DENND2A: variants seen among roughly 807,000 people sequenced by gnomAD.
DENND2A encodes DENN domain containing 2A.
A neutral mutation model predicts 105.3 loss-of-function variants in DENND2A; 53 were observed. The ratio of observed to expected loss-of-function variants is 0.50; its 90% CI spans 0.40 to 0.63. The LOEUF is 0.63. DENND2A is among the 30% of genes least tolerant of loss of function. The probability of loss-of-function intolerance (pLI) is 0.00; values close to 1 mark genes in which losing one functional copy is unlikely to be tolerated. For missense variants in DENND2A, 1,138 were observed against 1,279.6 expected, an observed-to-expected ratio of 0.89 and a Z score of 1.69; for synonymous variants, 522 against 508.4, an observed-to-expected ratio of 1.03 and a Z score of -0.36.
At chr7:140,562,565 G>A (rs1189488203) in intron 9 of DENND2A, among the ~76,000 whole-genome samples, 1 of 152,164 alleles carries the variant, frequency 6.6e-6, no homozygotes, top group Non-Finnish European at 1.5e-5. Context: ...AGGAGGCTGA[G>A]GCAGAAGAAT....
chr7:140,581,194 G>A (rs1340075990), intron 5 of DENND2A, among the ~76,000 whole-genome samples: 1 of 152,096 alleles, frequency 6.6e-6, no homozygotes, highest in Non-Finnish European at 1.5e-5. Flanking sequence ...AACCCAGGAG[G>A]TGGAGGTTGC....
At chr7:140,617,417 A>G (rs145966269) in intron 1 of DENND2A, among the ~76,000 whole-genome samples, 1 of 152,320 alleles carries the variant, frequency 6.6e-6, no homozygotes, top group African/African-American at 2.4e-5. Context: ...AGTCATTGAC[A>G]ATAATACTTT....
chr7:140,621,541 T>C (rs1248798646), intron 1 of DENND2A, among the ~76,000 whole-genome samples: 4 of 152,156 alleles, frequency 2.6e-5, no homozygotes, highest in South Asian at 2.1e-4. Flanking sequence ...ATGTTTTTTT[T>C]CTGAGTATTT....
intron 11 of DENND2A, 58 bp from the exon 12 acceptor site, chr7:140,555,771 A>C: frequency 6.8e-7 from 1 of 1,478,578 alleles, no homozygotes; most frequent in Non-Finnish European, 9.2e-7. Context: ...GGAAGAAAGG[A>C]ACCCACATGT....
intron 5 of DENND2A, among the ~76,000 whole-genome samples, chr7:140,578,231 T>TG (rs1050175150): frequency 4.6e-5 from 7 of 151,702 alleles, no homozygotes; most frequent in African/African-American, 1.7e-4. Context: ...CTGGGCGGGG[T>TG]GGGGGGTGCA....
chr7:140,523,370 T>C lies in DENND2A; in HGVS notation c.2602A>G (p.Ile868Val). The C allele has an allele frequency of 6.2e-7, 1 of 1,614,188 alleles. No individual in the cohort carries two copies. Among genetic ancestry groups the C allele is most frequent in the Non-Finnish European group, 8.5e-7 (1 of 1,180,028 alleles). Residue 868 changes from isoleucine to valine, a missense_variant, in exon 17 of 20, where the codon ATT becomes GTT. Transcript: ENST00000496613. This position sits in a 1 kb window ranked among gnomAD's most constrained non-coding sequence, Gnocchi z 4.5. ...GCCAGCTCGTTCCTCTGTTCCAGAA[T>C]GTGTTCCAGGGCCACCTGAAGCTTC... is the stretch of plus-strand genomic sequence containing the variant. ...PRKLQVALEHILEQRNELACE... is the reference protein window; with the variant it reads ...PRKLQVALEHVLEQRNELACE...
intron 19 of DENND2A, among the ~76,000 whole-genome samples, chr7:140,519,167 C>T (rs1563112440): frequency 6.6e-6 from 1 of 152,204 alleles, no homozygotes; most frequent in African/African-American, 2.4e-5. Flanking sequence ...AGACACCTCC[C>T]TACTGGGGCC....
intron 3 of DENND2A, among the ~76,000 whole-genome samples, chr7:140,592,854 C>T (rs1799119623): frequency 6.6e-6 from 1 of 152,132 alleles, no homozygotes; most frequent in South Asian, 2.1e-4. Context: ...CCACCCACCT[C>T]AGCCCCCCAA....
chr7:140,617,847 G>GGAT (rs1315579536), intron 1 of DENND2A, among the ~76,000 whole-genome samples: 2 of 152,168 alleles, frequency 1.3e-5, no homozygotes, highest in African/African-American at 4.8e-5. Flanking sequence ...GTGACGTGCC[G>GGAT]GATGCCAGAG....
chr7:140,629,218 A>C (rs1800645738), intron 1 of DENND2A, among the ~76,000 whole-genome samples: 1 of 152,210 alleles, frequency 6.6e-6, no homozygotes, highest in African/African-American at 2.4e-5. Context: ...CAGGAGCGCC[A>C]TTAGAGACTG....
At chr7:140,554,181 G>A (rs1053461265) in intron 12 of DENND2A, among the ~76,000 whole-genome samples, 2 of 151,372 alleles carry the variant, frequency 1.3e-5, no homozygotes, top group African/African-American at 2.4e-5. Context: ...AGCCGAGGTC[G>A]CACCCTTGCA....
At chr7:140,618,679 G>A (rs1278233043) in intron 1 of DENND2A, among the ~76,000 whole-genome samples, 1 of 152,124 alleles carries the variant, frequency 6.6e-6, no homozygotes, top group Non-Finnish European at 1.5e-5. Context: ...TTCAAGATCA[G>A]CAACTGTTTT....
intron 1 of DENND2A, among the ~76,000 whole-genome samples, chr7:140,615,021 C>T (rs1294290523): frequency 6.6e-6 from 1 of 152,108 alleles, no homozygotes; most frequent in Non-Finnish European, 1.5e-5. Flanking sequence ...TGTGCACCAC[C>T]ACGCCTGGCT....
At chr7:140,547,914 T>C (rs1340665476) in intron 12 of DENND2A, among the ~76,000 whole-genome samples, 7 of 152,118 alleles carry the variant, frequency 4.6e-5, no homozygotes, top group Admixed American at 4.6e-4. Flanking sequence ...TTAGATGAAA[T>C]GTCCAGAATA....
intron 12 of DENND2A, among the ~76,000 whole-genome samples, chr7:140,548,541 T>C (rs1796994807): frequency 1.3e-5 from 2 of 152,086 alleles, no homozygotes; most frequent in Non-Finnish European, 2.9e-5. Flanking sequence ...AAACTGCCAT[T>C]TATAAAAGTA....
At chr7:140,622,378 A>G (rs535032883) in intron 1 of DENND2A, among the ~76,000 whole-genome samples, 2 of 152,250 alleles carry the variant, frequency 1.3e-5, no homozygotes, top group South Asian at 2.1e-4. Flanking sequence ...CCTGGGCGAC[A>G]GAGCAAGACT....
intron 3 of DENND2A, among the ~76,000 whole-genome samples, chr7:140,600,347 A>C (rs1183075119): frequency 1.3e-5 from 2 of 152,016 alleles, no homozygotes; most frequent in Non-Finnish European, 2.9e-5. Context: ...ACTGGATGAG[A>C]TCATTTAGGG....
At chr7:140,629,952 G>A (rs924592046) in intron 1 of DENND2A, among the ~76,000 whole-genome samples, 9 of 151,152 alleles carry the variant, frequency 6.0e-5, no homozygotes, top group Non-Finnish European at 1.0e-4. Flanking sequence ...CCACCTCCTG[G>A]GTTCAAGCAA....
chr7:140,520,628 G>A (rs1355057585), intron 18 of DENND2A, among the ~76,000 whole-genome samples: 2 of 151,856 alleles, frequency 1.3e-5, no homozygotes, highest in African/African-American at 4.8e-5. Flanking sequence ...GTGCCACTGT[G>A]GCTCACTGCA....
Sources: gnomAD v4.1 joint callset for allele counts (sites outside exome capture counted in the v4.1 genomes callset) on GRCh38, gnomAD v4.1.1 for gene constraint, Gnocchi (gnomAD v3.1) non-coding constraint, MANE v1.5 for transcripts, NCBI Gene and HGNC (gene_info 2026-07-23, HGNC 2026-07-21) for gene names.